Variants in DEPDC5 observed in about 807,000 individuals in gnomAD.
DEPDC5 encodes the protein DEP domain containing 5, GATOR1 subcomplex subunit.
In DEPDC5, 73 loss-of-function variants were observed where a neutral mutation model predicts 217.3. The observed-to-expected ratio is 0.34, with a 90% CI of 0.28 to 0.41. The LOEUF (loss-of-function observed/expected upper bound fraction) is 0.41, where lower values mean the gene tolerates loss of function less well. DEPDC5 is among the 10% of genes least tolerant of loss of function. DEPDC5 has a pLI of 1.00. For missense variants in DEPDC5, 1,675 were observed against 2,070.1 expected, an observed-to-expected ratio of 0.81 and a Z score of 3.70; for synonymous variants, 733 against 756.7, an observed-to-expected ratio of 0.97 and a Z score of 0.51.
At chr22:31,800,447 G>A (rs2086750003) in intron 14 of DEPDC5, among the ~76,000 whole-genome samples, 1 of 152,044 alleles carries the variant, frequency 6.6e-6, no homozygotes, top group Admixed American at 6.6e-5. Flanking sequence ...CTCATTGGAT[G>A]GTTGTAATGA....
At chr22:31,834,235 C>T (rs889823302) in intron 25 of DEPDC5, 3 of 491,042 alleles carry the variant, frequency 6.1e-6, no homozygotes, top group African/African-American at 1.9e-5. Flanking sequence ...CCCTATAAGG[C>T]CCCCATGCTG....
At chr22:31,783,698 T>C (rs534811628) in intron 8 of DEPDC5, among the ~76,000 whole-genome samples, 1 of 152,216 alleles carries the variant, frequency 6.6e-6, no homozygotes, top group East Asian at 1.9e-4. Context: ...AAGTCCAACA[T>C]TGCAAGATTC....
intron 32 of DEPDC5, among the ~76,000 whole-genome samples, chr22:31,859,389 CT>C (rs567370285): frequency 0.13 from 16,315 of 123,642 alleles, 961 homozygotes; most frequent in African/African-American, 0.24. Flanking sequence ...CTGCGCCCGG[CT>C]TTTTTTTTTT....
chr22:31,858,645 G>A (rs550171569), intron 32 of DEPDC5: 19 of 150,700 alleles, frequency 1.3e-4, no homozygotes, highest in African/African-American at 1.5e-4. Context: ...TTTTTCTTTC[G>A]TTTTTTTTCC....
intron 26 of DEPDC5, among the ~76,000 whole-genome samples, chr22:31,838,416 A>G (rs746376517): frequency 6.6e-6 from 1 of 151,782 alleles, no homozygotes; most frequent in Non-Finnish European, 1.5e-5. Flanking sequence ...TAATTTTTGT[A>G]TATTTTTTGG....
chr22:31,792,192 G>A, intron 11 of DEPDC5, 90 bp downstream of exon 11: 2 of 960,296 alleles, frequency 2.1e-6, no homozygotes, highest in Non-Finnish European at 3.3e-6. Context: ...TTTCCTCGTT[G>A]CACTTTTCCA....
At chr22:31,810,991 T>G (rs1484279455) in intron 20 of DEPDC5, among the ~76,000 whole-genome samples, 1 of 152,090 alleles carries the variant, frequency 6.6e-6, no homozygotes, top group Non-Finnish European at 1.5e-5. Context: ...GTCAGGCTGG[T>G]CTCGAACTCC....
intron 31 of DEPDC5, among the ~76,000 whole-genome samples, chr22:31,856,809 G>A (rs1198031767): frequency 3.3e-5 from 5 of 151,988 alleles, no homozygotes; most frequent in South Asian, 2.1e-4. Flanking sequence ...TTGTTTTGTC[G>A]CACAGGCTGG....
intron 31 of DEPDC5, among the ~76,000 whole-genome samples, chr22:31,851,893 T>A (rs1409632858): frequency 1.3e-5 from 2 of 152,278 alleles, no homozygotes; most frequent in Admixed American, 6.5e-5. Context: ...TTGAAAGTTT[T>A]AAAAATTCTA....
At chr22:31,874,526 T>C (rs567234798) in intron 36 of DEPDC5, 121 bp downstream of exon 36, 5 of 1,279,722 alleles carry the variant, frequency 3.9e-6, no homozygotes, top group Admixed American at 3.0e-5. Context: ...GGATTTTTTT[T>C]AATAAGTGGG....
intron 37 of DEPDC5, among the ~76,000 whole-genome samples, 167 bp from the exon 38 acceptor site, chr22:31,879,358 T>G (rs963412396): frequency 7.2e-5 from 11 of 152,118 alleles, no homozygotes; most frequent in African/African-American, 2.7e-4. Flanking sequence ...TCTCAAAGAT[T>G]TGCCTATTTG....
At chr22:31,830,527 CTG>C (rs1466103898) in intron 24 of DEPDC5, among the ~76,000 whole-genome samples, 3 of 152,216 alleles carry the variant, frequency 2.0e-5, no homozygotes, top group Admixed American at 1.3e-4. Context: ...TACAAGGAAA[CTG>C]TGTGTGAGTA....
In DEPDC5 at chr22:31,784,827, T is replaced by C. The variant is rs1281002105; in HGVS notation, c.576T>C (p.Phe192=). 6.2e-7 allele frequency: 1 copy of C among 1,612,946 alleles called. No individual in the cohort carries two copies. Among genetic ancestry groups the C allele is most frequent in the South Asian group, 1.1e-5 (1 of 91,014 alleles). Residue 192 remains phenylalanine, a synonymous_variant, in exon 10 of 43, where the codon TTT becomes TTC. Coordinates refer to ENST00000651528, the MANE Select transcript of DEPDC5 (RefSeq NM_001242896.3). ...GTTTCTTTTCAGGGGATTTGTATTT[T>C]GAGAAAGCTGTGAATGGTTTCCTTG... ...WDFDIYGDLY[F]EKAVNGFLAD...
intron 40 of DEPDC5, 141 bp from the exon 41 acceptor site, chr22:31,901,601 C>G: frequency 3.0e-6 from 2 of 673,446 alleles, no homozygotes; most frequent in African/African-American, 1.8e-5. Flanking sequence ...CAGTCTTTCT[C>G]AAAGGGCGTA....
At chr22:31,826,792 A>G (rs1032710416) in intron 24 of DEPDC5, among the ~76,000 whole-genome samples, 2 of 152,240 alleles carry the variant, frequency 1.3e-5, no homozygotes, top group Non-Finnish European at 2.9e-5. Context: ...ACATTTATGG[A>G]CAAATGAATT....
chr22:31,782,087 G>A (rs997301968), intron 8 of DEPDC5, among the ~76,000 whole-genome samples: 4 of 151,452 alleles, frequency 2.6e-5, no homozygotes, highest in African/African-American at 7.3e-5. Context: ...TATTTATTAT[G>A]ATAACATTTA....
intron 5 of DEPDC5, 84 bp downstream of exon 5, chr22:31,765,144 C>T (rs2148106137): frequency 1.8e-6 from 2 of 1,099,562 alleles, no homozygotes; most frequent in Non-Finnish European, 1.4e-6. Context: ...CAATGGGTTA[C>T]TTAAGTGTAG....
intron 10 of DEPDC5, among the ~76,000 whole-genome samples, chr22:31,788,431 T>C (rs1171732841): frequency 6.6e-6 from 1 of 151,330 alleles, no homozygotes; most frequent in Non-Finnish European, 1.5e-5. Flanking sequence ...TGTGCCACTA[T>C]GCCCGGGCAA....
chr22:31,763,357 C>G (rs1023205930), intron 4 of DEPDC5, among the ~76,000 whole-genome samples: 1 of 151,882 alleles, frequency 6.6e-6, no homozygotes, highest in Non-Finnish European at 1.5e-5. Context: ...ATTCCTCACC[C>G]CAGGTGATCT....
Sources: allele counts gnomAD v4.1 joint callset (sites outside exome capture counted in the v4.1 genomes callset), GRCh38; gene constraint gnomAD v4.1.1; transcripts MANE v1.5; gene names NCBI Gene and HGNC (gene_info 2026-07-23, HGNC 2026-07-21).